The following PALS1 variants were observed in gnomAD, a reference collection of about 807,000 sequenced individuals.
PALS1 encodes the protein protein PALS1.
PALS1 carries 31 observed loss-of-function variants against 78.9 expected under a neutral mutation model. That is an observed-to-expected ratio of 0.39 (90% CI 0.30 to 0.53). The LOEUF (loss-of-function observed/expected upper bound fraction) is 0.53, where lower values mean the gene tolerates loss of function less well. Among genes scored for constraint, PALS1 ranks in the 20% least tolerant of loss-of-function variants. The probability of loss-of-function intolerance (pLI) is 0.67; values close to 1 mark genes in which losing one functional copy is unlikely to be tolerated. For synonymous variants in PALS1, 276 were observed against 270.9 expected, an observed-to-expected ratio of 1.02 and a Z score of -0.18; for missense variants, 704 against 826.5, an observed-to-expected ratio of 0.85 and a Z score of 1.82.
chr14:67,274,713 A>G lies in PALS1; in HGVS notation c.-153-4305A>G, dbSNP rs180803605. ...ATTGAATCTATAAATTACCTTGGGC[A>G]GTATGGCCATTTTCACGATATTGAT... On this transcript the variant is annotated intron_variant, in intron 2 of 14. Coordinates refer to ENST00000261681, the MANE Select transcript of PALS1 (RefSeq NM_022474.4). Among the ~76,000 whole-genome samples, 1,496 of 152,310 alleles carry G rather than the reference A, an allele frequency of 9.8e-3. 9 individuals carry two copies. Among genetic ancestry groups the G allele is most frequent in the Non-Finnish European group, 0.015 (1,036 of 68,024 alleles).
intron 8 of PALS1, among the ~76,000 whole-genome samples, chr14:67,310,285 T>C (rs2085070014): frequency 1.3e-5 from 2 of 152,234 alleles, no homozygotes; most frequent in South Asian, 4.1e-4. Context: ...TGAGGTTCTT[T>C]AGGGCACTTT....
intron 3 of PALS1, among the ~76,000 whole-genome samples, chr14:67,290,107 G>A (rs1170232454): frequency 6.6e-6 from 1 of 151,996 alleles, no homozygotes; most frequent in Non-Finnish European, 1.5e-5. Context: ...GACTGTATAA[G>A]TCCTTGTATG....
At chr14:67,256,493 C>A (rs187039796) in intron 1 of PALS1, among the ~76,000 whole-genome samples, 5 of 152,260 alleles carry the variant, frequency 3.3e-5, no homozygotes, top group Admixed American at 3.3e-4. Context: ...AAAATTATTA[C>A]CATTTCAACT....
intron 3 of PALS1, among the ~76,000 whole-genome samples, chr14:67,281,161 T>C (rs1416529789): frequency 6.6e-6 from 1 of 152,072 alleles, no homozygotes; most frequent in Admixed American, 6.6e-5. Flanking sequence ...CCTTCCAAAG[T>C]GCTGGGATTA....
intron 3 of PALS1, among the ~76,000 whole-genome samples, chr14:67,284,351 A>T (rs1170243095): frequency 6.7e-6 from 1 of 148,972 alleles, no homozygotes; most frequent in Non-Finnish European, 1.5e-5. Flanking sequence ...TATTAGTAGC[A>T]CCTTTGGAGG....
At chr14:67,252,478 G>T (rs1051577751) in intron 1 of PALS1, among the ~76,000 whole-genome samples, 1 of 152,160 alleles carries the variant, frequency 6.6e-6, no homozygotes, top group Non-Finnish European at 1.5e-5. Flanking sequence ...TGAACCTGAG[G>T]AGTGGTCATG....
In PALS1 at chr14:67,320,532, AT is replaced by A. The variant is rs1468448151; in HGVS notation, c.1537+139del. ...AGTGAAAGAGGAACTTTAACCAAAGATTTTGACAATTTTTAAATTAAAAATA... is the reference window on the plus strand; with the variant it reads ...AGTGAAAGAGGAACTTTAACCAAAGATTTGACAATTTTTAAATTAAAAATA... On this transcript the variant is annotated intron_variant, in intron 12 of 14. Coordinates refer to ENST00000261681, the MANE Select transcript of PALS1 (RefSeq NM_022474.4). 1.4e-5 allele frequency: 11 copies of A among 776,552 alleles called. No homozygotes were observed. In the East Asian group the frequency reaches 3.3e-4, roughly 24 times the overall value. The allele number at this position is 776,552 out of a possible 1,614,324, so 48.1% of individuals were successfully genotyped here. A position where few individuals can be genotyped will look rare whatever the true frequency, so the allele number is the denominator to read the frequency against.
intron 5 of PALS1, 33 bp from the exon 6 acceptor site, chr14:67,301,938 GT>G (rs751184031): frequency 3.1e-5 from 49 of 1,572,932 alleles, no homozygotes; most frequent in Non-Finnish European, 2.6e-6. Context: ...AAATCATGCT[GT>G]TACTTAAAAT....
chr14:67,305,686 T>C (rs2084992576), intron 8 of PALS1, among the ~76,000 whole-genome samples: 1 of 152,222 alleles, frequency 6.6e-6, no homozygotes, highest in South Asian at 2.1e-4. Context: ...AAGTGTTACA[T>C]TGAAACTTGT....
intron 1 of PALS1, among the ~76,000 whole-genome samples, chr14:67,261,813 C>A (rs2084242937): frequency 6.6e-6 from 1 of 151,970 alleles, no homozygotes; most frequent in Non-Finnish European, 1.5e-5. Context: ...TTACCACAAT[C>A]AGGTACTAAA....
intron 3 of PALS1, among the ~76,000 whole-genome samples, chr14:67,282,691 T>TA (rs1306803909): frequency 6.6e-6 from 1 of 151,250 alleles, no homozygotes; most frequent in Non-Finnish European, 1.5e-5. Context: ...TTATAAATGG[T>TA]AAAAAATTTG....
At position 67,279,324 on chromosome 14, in the gene PALS1, C is replaced by T; in HGVS notation, c.154C>T (p.Arg52Ter). Residue 52 changes from arginine to a stop codon, truncating the protein, a stop_gained, in exon 3 of 15, where the codon CGA (arginine) becomes TGA (stop). Coordinates refer to ENST00000261681, the MANE Select transcript of PALS1 (RefSeq NM_022474.4). LOFTEE classifies it high-confidence loss of function. The part of the protein sequence containing the change: ...DLGTRMMPIR[R>*]SAQLERIRQQ... ...GGGCACCAGGATGATGCCAATACGT[C>T]GAAGTGCACAGTTGGAGCGTATTCG... 4 of 1,613,450 alleles carry T rather than the reference C, an allele frequency of 2.5e-6. No individual in the cohort carries two copies. Among genetic ancestry groups the T allele is most frequent in the South Asian group, 1.1e-5 (1 of 91,018 alleles).
chr14:67,332,128 A>ACAC (rs1310048241), intron 14 of PALS1, among the ~76,000 whole-genome samples: 1 of 152,170 alleles, frequency 6.6e-6, no homozygotes, highest in Non-Finnish European at 1.5e-5. Flanking sequence ...CTTCATTGGC[A>ACAC]GGGGTGATTT....
intron 14 of PALS1, among the ~76,000 whole-genome samples, chr14:67,325,761 A>G (rs1595619905): frequency 6.6e-6 from 1 of 151,910 alleles, no homozygotes; most frequent in South Asian, 2.1e-4. Flanking sequence ...AGGATTTGCT[A>G]TCATATGAAG....
At chr14:67,253,121 C>T (rs2084091021) in intron 1 of PALS1, among the ~76,000 whole-genome samples, 3 of 152,200 alleles carry the variant, frequency 2.0e-5, no homozygotes, top group Admixed American at 2.0e-4. Flanking sequence ...ACTCTCTTGA[C>T]TTGTGTGTGA....
chr14:67,302,415 T>A lies in PALS1; in HGVS notation c.807T>A (p.Ala269=). Reference sequence around the variant, plus strand: ...ATACATATATATATTTTTAGGGTGCTACAGTTCGTAATGAAATGGACTCTG... The same window carrying A: ...ATACATATATATATTTTTAGGGTGCAACAGTTCGTAATGAAATGGACTCTG... ...IEKARDIPLG[A]TVRNEMDSVI... The change falls in exon 7 of 15, where the codon GCT becomes GCA. Residue 269 remains alanine (A), a synonymous_variant. Transcript: ENST00000261681. 4 of 1,583,388 alleles carry A rather than the reference T, an allele frequency of 2.5e-6. No individual in the cohort carries two copies. Among genetic ancestry groups the A allele is most frequent in the Non-Finnish European group, 3.4e-6 (4 of 1,162,848 alleles).
intron 1 of PALS1, among the ~76,000 whole-genome samples, chr14:67,257,679 C>T (rs1464004001): frequency 6.6e-6 from 1 of 151,484 alleles, no homozygotes; most frequent in Non-Finnish European, 1.5e-5. Context: ...GTATATATAA[C>T]ATACAGCCTA....
At chr14:67,254,984 A>T (rs2084123797) in intron 1 of PALS1, among the ~76,000 whole-genome samples, 1 of 152,176 alleles carries the variant, frequency 6.6e-6, no homozygotes, top group South Asian at 2.1e-4. Flanking sequence ...CCTCTTCTCT[A>T]CTAAAAATAC....
chr14:67,256,693 A>G (rs1038741335), intron 1 of PALS1, among the ~76,000 whole-genome samples: 13 of 152,044 alleles, frequency 8.6e-5, no homozygotes, highest in Non-Finnish European at 1.6e-4. Context: ...GATTACAGGC[A>G]TGTGCCACCA....
Sources: allele counts gnomAD v4.1 joint callset (sites outside exome capture counted in the v4.1 genomes callset), GRCh38; gene constraint gnomAD v4.1.1; transcripts MANE v1.5; gene names NCBI Gene and HGNC (gene_info 2026-07-23, HGNC 2026-07-21).